Variants in RAPGEF2 observed in about 807,000 individuals in gnomAD.
RAPGEF2 encodes PDZ domain containing guanine nucleotide exchange factor (GEF) 1.
In RAPGEF2, 54 loss-of-function variants were observed where a neutral mutation model predicts 186.7. That is an observed-to-expected ratio of 0.29 (90% CI 0.23 to 0.36). The LOEUF (loss-of-function observed/expected upper bound fraction) is 0.36. Among genes scored for constraint, RAPGEF2 ranks in the 10% least tolerant of loss-of-function variants. The pLI is 1.00. For missense variants in RAPGEF2, 1,532 were observed against 2,045.0 expected (o/e 0.75, Z 4.84); for synonymous variants, 712 against 705.9 (o/e 1.01, Z -0.14).
chr4:159,271,122 G>A (rs1009062079), intron 7 of RAPGEF2, among the ~76,000 whole-genome samples: 2 of 152,120 alleles, frequency 1.3e-5, no homozygotes, highest in Non-Finnish European at 2.9e-5. Context: ...AGCATTAAAA[G>A]TCTCTTTACT....
At chr4:159,129,157 A>G (rs1310204732) in intron 1 of RAPGEF2, among the ~76,000 whole-genome samples, 1 of 151,970 alleles carries the variant, frequency 6.6e-6, no homozygotes, top group East Asian at 1.9e-4. Context: ...AGAATCTTGA[A>G]TAGAAATCTT....
chr4:159,330,146 C>A (rs781690426), intron 12 of RAPGEF2, 136 bp downstream of exon 12: 5 of 925,392 alleles, frequency 5.4e-6, no homozygotes, highest in Non-Finnish European at 8.0e-6. Context: ...TATGTATGAT[C>A]TCCTAGTGAA....
At position 159,322,436 on chromosome 4, in the gene RAPGEF2, G is replaced by A. The variant is rs1351882951; in HGVS notation, c.943G>A (p.Ala315Thr). 6.2e-7 allele frequency: 1 copy of A among 1,613,800 alleles called. No homozygotes were observed. Among genetic ancestry groups the A allele is most frequent in the South Asian group, 1.1e-5 (1 of 91,062 alleles). The change falls in exon 10 of 30, where the codon GCA (alanine) becomes ACA (threonine). Residue 315 changes from alanine (A) to threonine (T), a missense_variant. By Grantham distance (58) the Ala-to-Thr change is moderately conservative. This residue lies in a region of RAPGEF2 where 810 missense variants were observed against 1,210.5 expected (regional missense o/e 0.67). Transcript: ENST00000691494. ...RRELCAVMVF[A>T]VVERAGTIVL... is the part of the protein sequence containing the mutation. ...AGAACTCTGTGCTGTGATGGTGTTC[G>A]CAGTGGTGGAAAGAGCAGGGACCAT...
chr4:159,104,346 C>T (rs961748038), intron 1 of RAPGEF2, 115 bp downstream of exon 1: 1 of 484,746 alleles, frequency 2.1e-6, no homozygotes, highest in East Asian at 4.2e-5. Context: ...CCACTTCTTG[C>T]ATCAGGACCC....
chr4:159,250,813 A>C (rs1755243090), intron 7 of RAPGEF2, among the ~76,000 whole-genome samples: 1 of 151,064 alleles, frequency 6.6e-6, no homozygotes, highest in Non-Finnish European at 1.5e-5. Flanking sequence ...CTCGGCATCC[A>C]CTCTGGCCAT....
chr4:159,106,263 C>T (rs1035765980), intron 1 of RAPGEF2, among the ~76,000 whole-genome samples: 8 of 152,180 alleles, frequency 5.3e-5, no homozygotes, highest in African/African-American at 1.9e-4. Flanking sequence ...AGTGTCAGCC[C>T]TATTAACTTT....
At chr4:159,243,687 C>A in intron 6 of RAPGEF2, 87 bp from the exon 7 acceptor site, 1 of 858,698 alleles carries the variant, frequency 1.2e-6, no homozygotes, top group Non-Finnish European at 1.7e-6. Flanking sequence ...ACATTATCTT[C>A]ATTTTGGCAG....
At chr4:159,355,758 A>T in intron 28 of RAPGEF2, 95 bp from the exon 29 acceptor site, 2 of 1,170,252 alleles carry the variant, frequency 1.7e-6, no homozygotes, top group Non-Finnish European at 2.4e-6. Context: ...CTGCTGCTAC[A>T]CTGTGGATGC....
chr4:159,313,108 A>G (rs933661199), intron 8 of RAPGEF2, among the ~76,000 whole-genome samples: 6 of 152,216 alleles, frequency 3.9e-5, no homozygotes, highest in African/African-American at 1.4e-4. Flanking sequence ...AGATCGTGCC[A>G]TTGCACTCCA....
chr4:159,222,825 G>A (rs1751665417), intron 4 of RAPGEF2, among the ~76,000 whole-genome samples: 1 of 151,644 alleles, frequency 6.6e-6, no homozygotes, highest in Non-Finnish European at 1.5e-5. Flanking sequence ...GATATGTGAA[G>A]GAAATTATAC....
At chr4:159,231,799 C>A (rs775709181) in intron 4 of RAPGEF2, among the ~76,000 whole-genome samples, 73 of 152,088 alleles carry the variant, frequency 4.8e-4, no homozygotes, top group Non-Finnish European at 2.1e-4. Context: ...CAAAATAATC[C>A]AAAATCAAAG....
At chr4:159,140,384 C>G (rs778948593) in intron 1 of RAPGEF2, among the ~76,000 whole-genome samples, 14 of 152,160 alleles carry the variant, frequency 9.2e-5, no homozygotes, top group Non-Finnish European at 1.9e-4. Flanking sequence ...AGCAAATGAA[C>G]CTGAACTTAC....
At position 159,298,849 on chromosome 4, in the gene RAPGEF2, A is replaced by T. The variant is rs192152880; in HGVS notation, c.544-5493A>T. On this transcript the variant is annotated intron_variant, in intron 7 of 29. Transcript: ENST00000691494. The stretch of plus-strand genomic sequence containing the variant: ...CAGAGTCTGGTCCGTGATGATCTGT[A>T]CTTAACACTTTAGTCATTTCTGTGT... Among the ~76,000 whole-genome samples, 342 of 152,296 alleles carry T rather than the reference A, an allele frequency of 2.2e-3. 1 individual carries two copies. Among genetic ancestry groups the T allele is most frequent in the African/African-American group, 8.0e-3 (332 of 41,564 alleles).
intron 10 of RAPGEF2, among the ~76,000 whole-genome samples, chr4:159,322,730 G>GAGGCCTCAGAATCATGGC (rs1195832554): frequency 6.6e-6 from 1 of 152,160 alleles, no homozygotes; most frequent in African/African-American, 2.4e-5. Flanking sequence ...CGTGGCTGGG[G>GAGGCCTCAGAATCATGGC]AGGCCTCAGA....
chr4:159,307,834 A>C (rs1016950311), intron 8 of RAPGEF2, among the ~76,000 whole-genome samples: 1 of 152,044 alleles, frequency 6.6e-6, no homozygotes. Flanking sequence ...AGCCAGGTGT[A>C]GTGGTGCATG....
chr4:159,147,981 C>T (rs923710078), intron 1 of RAPGEF2, among the ~76,000 whole-genome samples: 1 of 152,170 alleles, frequency 6.6e-6, no homozygotes, highest in Non-Finnish European at 1.5e-5. Flanking sequence ...GAAGAGATTG[C>T]AGATAATCTA....
intron 22 of RAPGEF2, among the ~76,000 whole-genome samples, chr4:159,343,679 A>C (rs1729864745): frequency 6.6e-6 from 1 of 152,206 alleles, no homozygotes; most frequent in African/African-American, 2.4e-5. Flanking sequence ...CAGAACACTG[A>C]CTTGTAGAGC....
intron 26 of RAPGEF2, among the ~76,000 whole-genome samples, chr4:159,352,185 GTCTTATT>G (rs1731288681): frequency 6.6e-6 from 1 of 152,044 alleles, no homozygotes; most frequent in Non-Finnish European, 1.5e-5. Flanking sequence ...ACATCTTCAG[GTCTTATT>G]TCTTATTCTT....
intron 1 of RAPGEF2, among the ~76,000 whole-genome samples, chr4:159,132,331 C>T (rs932694934): frequency 3.3e-5 from 5 of 152,058 alleles, no homozygotes; most frequent in South Asian, 4.1e-4. Context: ...TAAGTTCTTC[C>T]GAAATTCTAA....
Sources: allele counts gnomAD v4.1 joint callset (sites outside exome capture counted in the v4.1 genomes callset), GRCh38; gene constraint gnomAD v4.1.1; regional missense constraint gnomAD v4.1.1; transcripts MANE v1.5; gene names NCBI Gene and HGNC (gene_info 2026-07-23, HGNC 2026-07-21).